The following CACNA1H variants were observed in gnomAD, a reference collection of about 807,000 sequenced individuals.
The protein encoded by CACNA1H is voltage-dependent T-type calcium channel subunit alpha-1H.
Under a neutral mutation model 192.5 loss-of-function variants are expected in CACNA1H, and 149 were observed. The ratio of observed to expected loss-of-function variants is 0.77; its 90% CI spans 0.68 to 0.89. CACNA1H has a LOEUF of 0.89. Among genes scored for constraint, CACNA1H ranks in the 40% least tolerant of loss-of-function variants. The pLI is 0.00. For missense variants in CACNA1H, 4,257 were observed against 3,423.5 expected (o/e 1.24, Z -6.08); for synonymous variants, 2,202 against 1,475.2 (o/e 1.49, Z -11.29).
intron 27 of CACNA1H, 51 bp downstream of exon 27, chr16:1,213,982 G>A: frequency 6.6e-7 from 1 of 1,512,556 alleles, no homozygotes; most frequent in Non-Finnish European, 9.0e-7. Context: ...ACCCCCAGTG[G>A]GGCAGCCAAC....
chr16:1,163,985 G>A (rs967534310), intron 2 of CACNA1H, among the ~76,000 whole-genome samples: 154 of 152,280 alleles, frequency 1.0e-3, no homozygotes, highest in African/African-American at 3.6e-3. Context: ...TGGCTCAGCC[G>A]CCCCTGCCCC....
At position 1,209,722 on chromosome 16, in the gene CACNA1H, C is replaced by T. The variant is rs145128836; in HGVS notation, c.3744+310C>T. On this transcript the variant is annotated intron_variant, in intron 17 of 34. Coordinates refer to ENST00000348261, the MANE Select transcript of CACNA1H (RefSeq NM_021098.3). ...GAGCTGCTGCCGAGGCAGGGCCAGG[C>T]ATCCGCTAGGCTCTCAGGCTTCCGT... Among the ~76,000 whole-genome samples, 834 of 152,260 alleles carry T rather than the reference C, an allele frequency of 5.5e-3. 6 individuals are homozygous for T. Among genetic ancestry groups the T allele is most frequent in the Admixed American group, 8.4e-3 (129 of 15,302 alleles).
chr16:1,217,078 C>T, intron 31 of CACNA1H, 68 bp downstream of exon 31: 1 of 1,346,080 alleles, frequency 7.4e-7, no homozygotes, highest in Non-Finnish European at 1.0e-6. Context: ...TGCCCATCCA[C>T]TCACACGCAG....
At chr16:1,203,214 C>T (rs1004718387) in intron 9 of CACNA1H, among the ~76,000 whole-genome samples, 4 of 152,184 alleles carry the variant, frequency 2.6e-5, no homozygotes, top group African/African-American at 4.8e-5. Flanking sequence ...AGTCCAGCCG[C>T]TGTGTGTTAT....
chr16:1,202,131 TC>T lies in CACNA1H; in HGVS notation c.1685del (p.Pro562GlnfsTer21). On this transcript the variant is annotated frameshift_variant, in exon 9 of 35. Coordinates refer to ENST00000348261, the MANE Select transcript of CACNA1H (RefSeq NM_021098.3). LOFTEE classifies it high-confidence loss of function. ...VRAGAPPSPPSPGRGPPDAES... is the reference protein window; with the variant it reads ...VRAGAPPSPPXPGRGPPDAES... ...AGCTGGCGCGCCCCCCTCGCCACCTTCCCCAGGCCGCGGACCCCCCGACGCA... is the reference window on the plus strand; with the variant it reads ...AGCTGGCGCGCCCCCCTCGCCACCTTCCCAGGCCGCGGACCCCCCGACGCA... 6.5e-7 allele frequency: 1 copy of T among 1,547,950 alleles called. No homozygotes were observed. Among genetic ancestry groups the T allele is most frequent in the Non-Finnish European group, 8.7e-7 (1 of 1,146,208 alleles).
chr16:1,163,698 G>T (rs1963458775), intron 2 of CACNA1H, among the ~76,000 whole-genome samples: 1 of 152,236 alleles, frequency 6.6e-6, no homozygotes, highest in African/African-American at 2.4e-5. Flanking sequence ...GCTGGCCGCT[G>T]TGTCTGAGGA....
chr16:1,218,618 G>A lies in CACNA1H; in HGVS notation c.5854G>A (p.Glu1952Lys). 6.4e-7 allele frequency: 1 copy of A among 1,562,138 alleles called. No individual in the cohort carries two copies. The highest frequency in any genetic ancestry group is 1.9e-5 in the Admixed American group (1 of 52,636). ...CCACCCCCGCCCGCTGCAGGAGGTG[G>A]AGATGGAGACCTATGGGGCCGGCAC... ...APHPRPLQEV[E>K]METYGAGTPL... is the part of the protein sequence containing the mutation. The change falls in exon 33 of 35, where the codon GAG becomes AAG. Residue 1952 changes from glutamate to lysine, a missense_variant. Transcript: ENST00000348261.
At chr16:1,206,439 G>C (rs932909664) in intron 12 of CACNA1H, 150 bp downstream of exon 12, 1 of 694,656 alleles carries the variant, frequency 1.4e-6, no homozygotes, top group Non-Finnish European at 2.4e-6. Context: ...GCCTTCATTT[G>C]AGAAGCACTG....
At chr16:1,190,943 G>A (rs1339638912) in intron 2 of CACNA1H, among the ~76,000 whole-genome samples, 2 of 147,376 alleles carry the variant, frequency 1.4e-5, no homozygotes, top group African/African-American at 5.2e-5. Flanking sequence ...GACCCAGCAT[G>A]CTGGCCTGGT....
At chr16:1,196,115 G>T in intron 5 of CACNA1H, 92 bp downstream of exon 5, 1 of 1,035,772 alleles carries the variant, frequency 9.7e-7, no homozygotes, top group South Asian at 1.3e-5. Context: ...AGGAGCACAG[G>T]ACTGGGAAAT....
At chr16:1,159,135 C>T (rs1962847357) in intron 2 of CACNA1H, among the ~76,000 whole-genome samples, 1 of 152,210 alleles carries the variant, frequency 6.6e-6, no homozygotes, top group Non-Finnish European at 1.5e-5. Context: ...TGGGGAGAGC[C>T]TCTGAACGCC....
Position 1,198,672 on chromosome 16 carries a change from T to C in CACNA1H, c.701T>C (p.Leu234Pro). The part of the protein sequence containing the change: ...LDTLPMLGNV[L>P]LLCFFVFFIF... ...ACGCTGCCCATGCTCGGGAACGTCC[T>C]TCTGCTGTGCTTCTTCGTCTTCTTC... The change falls in exon 6 of 35, where the codon CTT becomes CCT. Residue 234 changes from leucine (L) to proline (P), a missense_variant. Coordinates refer to ENST00000348261, the MANE Select transcript of CACNA1H (RefSeq NM_021098.3). 1 of 1,613,514 alleles carries C rather than the reference T, an allele frequency of 6.2e-7. No homozygotes were observed. The highest frequency in any genetic ancestry group is 8.5e-7 in the Non-Finnish European group (1 of 1,179,640).
intron 2 of CACNA1H, among the ~76,000 whole-genome samples, chr16:1,176,307 C>T (rs960897099): frequency 7.2e-5 from 11 of 152,194 alleles, no homozygotes; most frequent in Non-Finnish European, 1.5e-4. Flanking sequence ...AGGGGCGAGG[C>T]GCAGCAGCAA....
chr16:1,212,316 G>C (rs1249657177), intron 25 of CACNA1H, 178 bp downstream of exon 25: 1 of 1,145,638 alleles, frequency 8.7e-7, no homozygotes, highest in Non-Finnish European at 1.2e-6. Context: ...CCGTCGGGGA[G>C]CCCGCCATGG....
At chr16:1,203,367 C>T (rs1050296530) in intron 9 of CACNA1H, among the ~76,000 whole-genome samples, 11 of 151,980 alleles carry the variant, frequency 7.2e-5, no homozygotes, top group Non-Finnish European at 1.5e-4. Flanking sequence ...CGCCTGTGTG[C>T]TGTGGCTGCT....
At chr16:1,192,469 C>T (rs867444107) in intron 2 of CACNA1H, among the ~76,000 whole-genome samples, 5 of 152,258 alleles carry the variant, frequency 3.3e-5, no homozygotes, top group Non-Finnish European at 7.3e-5. Context: ...GGGGTGCTGG[C>T]CCCTTCCCTT....
chr16:1,219,946 G>T (rs1970350050), intron 34 of CACNA1H, 35 bp from the exon 35 acceptor site: 3 of 1,271,198 alleles, frequency 2.4e-6, no homozygotes, highest in Admixed American at 8.2e-5. Flanking sequence ...CTCTCCCAGG[G>T]CCCCGCCCCT....
intron 9 of CACNA1H, among the ~76,000 whole-genome samples, chr16:1,203,632 G>C (rs868818698): frequency 6.6e-6 from 1 of 152,184 alleles, no homozygotes; most frequent in African/African-American, 2.4e-5. Context: ...AGGCCTTGCA[G>C]GGTTGCTTCC....
chr16:1,182,558 C>A (rs1280806435), intron 2 of CACNA1H, among the ~76,000 whole-genome samples: 1 of 152,194 alleles, frequency 6.6e-6, no homozygotes, highest in Non-Finnish European at 1.5e-5. Flanking sequence ...CCCCAACTGC[C>A]CGTGTGAGTC....
Sources: allele counts gnomAD v4.1 joint callset (sites outside exome capture counted in the v4.1 genomes callset), GRCh38; gene constraint gnomAD v4.1.1; transcripts MANE v1.5; gene names NCBI Gene and HGNC (gene_info 2026-07-23, HGNC 2026-07-21).